RYK: variants seen among roughly 807,000 people sequenced by gnomAD.
RYK encodes receptor like tyrosine kinase.
Under a neutral mutation model 70.2 loss-of-function variants are expected in RYK, and 21 were observed. That is an observed-to-expected ratio of 0.30 (90% CI 0.21 to 0.43). The LOEUF (loss-of-function observed/expected upper bound fraction) is 0.43, where lower values mean the gene tolerates loss of function less well. RYK is among the 20% of genes least tolerant of loss of function. The probability of loss-of-function intolerance (pLI) is 1.00; values close to 1 mark genes in which losing one functional copy is unlikely to be tolerated. For synonymous variants in RYK, 267 were observed against 278.0 expected (o/e 0.96, Z 0.39); for missense variants, 604 against 753.3 (o/e 0.80, Z 2.32).
intron 1 of RYK, among the ~76,000 whole-genome samples, chr3:134,241,963 A>C (rs1189278133): frequency 1.3e-5 from 2 of 152,194 alleles, no homozygotes; most frequent in Non-Finnish European, 2.9e-5. Flanking sequence ...GTGATCCCTA[A>C]CTAGAGACTT....
At chr3:134,237,615 C>T (rs2015227061) in intron 1 of RYK, among the ~76,000 whole-genome samples, 1 of 152,210 alleles carries the variant, frequency 6.6e-6, no homozygotes, top group African/African-American at 2.4e-5. Flanking sequence ...TCTTACTTCC[C>T]TTCCCCTGGC....
intron 13 of RYK, among the ~76,000 whole-genome samples, chr3:134,168,898 G>A (rs534759923): frequency 1.3e-5 from 2 of 152,192 alleles, no homozygotes; most frequent in South Asian, 4.1e-4. Flanking sequence ...CGCTCAGGTC[G>A]CTCAGGATAC....
At chr3:134,162,098 ATG>A (rs2012494544) in intron 13 of RYK, among the ~76,000 whole-genome samples, 2 of 151,826 alleles carry the variant, frequency 1.3e-5, no homozygotes, top group African/African-American at 4.8e-5. Flanking sequence ...TTTTCTCCTC[ATG>A]TGTGTGTCTC....
chr3:134,241,430 TTAATC>T (rs1423845187), intron 1 of RYK, among the ~76,000 whole-genome samples: 2 of 151,924 alleles, frequency 1.3e-5, no homozygotes, highest in East Asian at 3.9e-4. Flanking sequence ...CATATTTCAT[TTAATC>T]TAAAGTACAT....
intron 2 of RYK, among the ~76,000 whole-genome samples, chr3:134,221,951 C>T (rs996740466): frequency 1.2e-4 from 18 of 152,130 alleles, no homozygotes; most frequent in African/African-American, 4.3e-4. Flanking sequence ...GGTAAAGAAG[C>T]CTCACCACAG....
intron 1 of RYK, among the ~76,000 whole-genome samples, chr3:134,223,402 T>A (rs2014797218): frequency 6.6e-6 from 1 of 152,200 alleles, no homozygotes; most frequent in African/African-American, 2.4e-5. Context: ...AAAATAAAAA[T>A]TTTTAAGGCA....
In RYK at chr3:134,221,196, C is replaced by CTTTTTTTTTTTTT. The variant is rs71139519; in HGVS notation, c.354+1209_354+1221dup. 1.2e-3 allele frequency among the ~76,000 whole-genome samples: 94 copies of CTTTTTTTTTTTTT among 78,588 alleles called. 9 individuals carry two copies. The highest frequency in any genetic ancestry group is 4.9e-3 in the African/African-American group (87 of 17,914). 51.6% of individuals were successfully genotyped at this position (78,588 alleles called of 152,430 possible). ...CTACAAAGTCTTAACAGTTCTTTTTCTTTTTTTTTTTTTTTTTTTTTTTTT... is the reference window on the plus strand; with the variant it reads ...CTACAAAGTCTTAACAGTTCTTTTTCTTTTTTTTTTTTTTTTTTTTTTTTTTTTTTTTTTTTTT... On this transcript the variant is annotated intron_variant, in intron 2 of 14. Transcript: ENST00000623711.
intron 9 of RYK, 94 bp downstream of exon 9, chr3:134,188,743 T>C (rs1288335807): frequency 2.7e-6 from 2 of 728,052 alleles, no homozygotes; most frequent in Admixed American, 5.3e-5. Flanking sequence ...TTAAAAGGTC[T>C]GGCACACATT....
At chr3:134,212,199 G>GA (rs1244656489) in intron 2 of RYK, among the ~76,000 whole-genome samples, 1 of 152,196 alleles carries the variant, frequency 6.6e-6, no homozygotes, top group Non-Finnish European at 1.5e-5. Flanking sequence ...TCAGAATCCA[G>GA]AAGGGAAGAC....
In RYK at chr3:134,199,578, T is replaced by A. The variant is rs140616342; in HGVS notation, c.788+3152A>T. Among the ~76,000 whole-genome samples the A allele has an allele frequency of 4.9e-3, 742 of 152,320 alleles. 2 individuals are homozygous for A. The highest frequency in any genetic ancestry group is 0.017 in the African/African-American group (711 of 41,576). ...ATATAAAGTACCTGGGGTACAGTAC[T>A]GGTAAACAGAAAACACTCAATAAAT... is the stretch of plus-strand genomic sequence containing the variant. On this transcript the variant is annotated intron_variant, in intron 6 of 14. Transcript: ENST00000623711.
At chr3:134,175,817 T>C in intron 12 of RYK, 49 bp from the exon 13 acceptor site, 1 of 1,601,876 alleles carries the variant, frequency 6.2e-7, no homozygotes, top group Non-Finnish European at 8.6e-7. Context: ...TATTAAAAAG[T>C]AGGGATCATC....
In RYK at chr3:134,195,227, T is replaced by C. The variant is rs916824018; in HGVS notation, c.789-45A>G. 4.1e-6 allele frequency: 6 copies of C among 1,450,490 alleles called. No homozygotes were observed. In the African/African-American group the frequency reaches 7.0e-5, roughly 17 times the overall value. The allele number at this position is 1,450,490 out of a possible 1,614,324, so 89.9% of individuals were successfully genotyped here. ...GAAATATTTGACAAGTCAGTTTCAATGAGAAATTTCCTTTTTCCATACATA... is the reference window on the plus strand; with the variant it reads ...GAAATATTTGACAAGTCAGTTTCAACGAGAAATTTCCTTTTTCCATACATA... On this transcript the variant is annotated intron_variant, in intron 6 of 14. Transcript: ENST00000623711.
At chr3:134,190,159 T>C (rs563890251) in intron 8 of RYK, among the ~76,000 whole-genome samples, 20 of 152,210 alleles carry the variant, frequency 1.3e-4, no homozygotes, top group Admixed American at 2.6e-4. Context: ...ATTTAAGACA[T>C]TTTGCTTGAA....
intron 9 of RYK, among the ~76,000 whole-genome samples, chr3:134,184,187 T>TAA (rs1161341124): frequency 6.6e-6 from 1 of 152,214 alleles, no homozygotes; most frequent in East Asian, 1.9e-4. Flanking sequence ...TTTCATATGA[T>TAA]AACCAAAATT....
rs776580145 is a variant in RYK at position 134,211,538 on chromosome 3, C to T, written c.424G>A (p.Val142Ile). Residue 142 changes from valine (V) to isoleucine (I), a missense_variant, in exon 3 of 15, where the codon GTT (valine) becomes ATT (isoleucine). By Grantham distance (29) the Val-to-Ile change is conservative. Coordinates refer to ENST00000623711, the MANE Select transcript of RYK (RefSeq NM_002958.4). ...AAAGTGCGTGGAACTTCCCCCTGAA[C>T]AGAAATGTTGACCTGGGGCATATCC... ...AMDMPQVNIS[V>I]QGEVPRTLSV... 4 of 1,613,534 alleles carry T rather than the reference C, an allele frequency of 2.5e-6. No individual in the cohort carries two copies. The highest frequency in any genetic ancestry group is 1.3e-5 in the African/African-American group (1 of 75,030).
At position 134,222,528 on chromosome 3, in the gene RYK, C is replaced by T. The variant is rs1336357951; in HGVS notation, c.244G>A (p.Glu82Lys). 9 of 1,608,854 alleles carry T rather than the reference C, an allele frequency of 5.6e-6. No homozygotes were observed. Among genetic ancestry groups the T allele is most frequent in the Non-Finnish European group, 7.6e-6 (9 of 1,176,710 alleles). The change falls in exon 2 of 15, where the codon GAA (glutamate) becomes AAA (lysine). Residue 82 changes from glutamate to lysine, a missense_variant. Physicochemically the swap from Glu to Lys is moderately conservative, Grantham distance 56 (BLOSUM62 1). Transcript: ENST00000623711. Reference protein sequence around the residue: ...EVRRLIGLDAELYYVRNDLIS... With the variant: ...EVRRLIGLDAKLYYVRNDLIS... Reference sequence around the variant, plus strand: ...AGGTCATTTCTCACATAATAAAGTTCTGCATCAAGACCTAGAAAAAAATAG... The same window carrying T: ...AGGTCATTTCTCACATAATAAAGTTTTGCATCAAGACCTAGAAAAAAATAG...
chr3:134,207,924 A>G (rs1187286408), intron 4 of RYK, among the ~76,000 whole-genome samples: 1 of 152,218 alleles, frequency 6.6e-6, no homozygotes, highest in African/African-American at 2.4e-5. Context: ...ACCTACTAAC[A>G]TTCCATATAG....
intron 4 of RYK, among the ~76,000 whole-genome samples, chr3:134,208,289 A>C (rs1286729896): frequency 6.6e-6 from 1 of 152,206 alleles, no homozygotes; most frequent in Non-Finnish European, 1.5e-5. Context: ...CTTACTTAAG[A>C]GTAACAGATG....
chr3:134,229,380 GAA>G (rs1223251342), intron 1 of RYK, among the ~76,000 whole-genome samples: 3 of 129,476 alleles, frequency 2.3e-5, no homozygotes, highest in African/African-American at 5.8e-5. Flanking sequence ...CTTTGGGCTG[GAA>G]AAAAAAAAAA....
Sources: gnomAD v4.1 joint callset for allele counts (sites outside exome capture counted in the v4.1 genomes callset) on GRCh38, gnomAD v4.1.1 for gene constraint, MANE v1.5 for transcripts, NCBI Gene and HGNC (gene_info 2026-07-23, HGNC 2026-07-21) for gene names.